Variants in TGM2 observed in about 807,000 individuals in gnomAD.
The protein encoded by TGM2 is transglutaminase 2, also known as protein-glutamine gamma-glutamyltransferase 2.
Under a neutral mutation model 75.6 loss-of-function variants are expected in TGM2, and 53 were observed. That is an observed-to-expected ratio of 0.70 (90% confidence interval 0.56 to 0.88). The LOEUF (loss-of-function observed/expected upper bound fraction) is 0.88. Ranked by LOEUF, TGM2 falls within the 40% of genes least tolerant of loss-of-function variation. The probability of loss-of-function intolerance (pLI) is 0.00; values close to 1 mark genes in which losing one functional copy is unlikely to be tolerated. For synonymous variants in TGM2, 374 were observed against 381.1 expected (o/e 0.98, Z 0.22); for missense variants, 842 against 928.5 (o/e 0.91, Z 1.21).
chr20:38,130,093 G>A lies in TGM2; in HGVS notation c.*126C>T. ...CCAGGGGCACATTCCATTTCCGAGA[G>A]CCCCCATAGGCTGCCCACCCTGCCC... is the stretch of plus-strand genomic sequence containing the variant. On this transcript the variant is annotated 3_prime_UTR_variant, in exon 13 of 13. Transcript: ENST00000361475. 4 of 1,298,956 alleles carry A rather than the reference G, an allele frequency of 3.1e-6. No individual in the cohort carries two copies. Among genetic ancestry groups the A allele is most frequent in the Non-Finnish European group, 3.2e-6 (3 of 939,038 alleles). 80.5% of individuals were successfully genotyped at this position (1,298,956 alleles called of 1,614,324 possible).
rs1199376180 is a variant in TGM2, at chr20:38,149,678, C to CAAAAAAAAAAAAAAAAA, written c.552+1244_552+1260dup. ...TGGGCAACAGAGCGAGACTCCGCCTCAAAAAAAAAAAAAAAAAAAAAAACA... is the reference window on the plus strand; with the variant it reads ...TGGGCAACAGAGCGAGACTCCGCCTCAAAAAAAAAAAAAAAAAAAAAAAAAAAAAAAAAAAAAAAACA... On this transcript the variant is annotated intron_variant, in intron 4 of 12. Coordinates refer to ENST00000361475, the MANE Select transcript of TGM2 (RefSeq NM_004613.4). 1.6e-3 allele frequency among the ~76,000 whole-genome samples: 64 copies of CAAAAAAAAAAAAAAAAA among 40,426 alleles called. 4 individuals are homozygous for CAAAAAAAAAAAAAAAAA. Among genetic ancestry groups the CAAAAAAAAAAAAAAAAA allele is most frequent in the African/African-American group, 5.3e-3 (57 of 10,734 alleles). 26.5% of individuals were successfully genotyped at this position (40,426 alleles called of 152,430 possible).
chr20:38,152,326 T>C lies in TGM2; in HGVS notation c.434-1269A>G, dbSNP rs113095134. Among the ~76,000 whole-genome samples, 143 of 152,268 alleles carry C rather than the reference T, an allele frequency of 9.4e-4. 1 individual carries two copies. The highest frequency in any genetic ancestry group is 3.4e-3 in the Middle Eastern group (1 of 294). On this transcript the variant is annotated intron_variant, in intron 3 of 12. Coordinates refer to ENST00000361475, the MANE Select transcript of TGM2 (RefSeq NM_004613.4). Reference sequence around the variant, plus strand: ...CAGCAACCAGCAGCCCTGACTTTCATCGTAGTGAGGAAAAATGGGAAAGAG... The same window carrying C: ...CAGCAACCAGCAGCCCTGACTTTCACCGTAGTGAGGAAAAATGGGAAAGAG...
intron 6 of TGM2, 85 bp from the exon 7 acceptor site, chr20:38,142,284 GGAACACTGTACCTGCTGTCCAAGTGCTGA>G: frequency 6.3e-7 from 1 of 1,593,888 alleles, no homozygotes; most frequent in Non-Finnish European, 8.6e-7. Flanking sequence ...TGCATTCCAG[GGAACACTGTACCTGCTGTCCAAGTGCTGA>G]GAACATGAGC....
chr20:38,138,168 C>A lies in TGM2; in HGVS notation c.1560G>T (p.Leu520Phe). The change falls in exon 10 of 13, where the codon TTG (leucine) becomes TTT (phenylalanine). Residue 520 changes from leucine (L) to phenylalanine (F), a missense_variant. Transcript: ENST00000361475. ...CARTVSYNGI[L>F]GPECGTKYLL... ...GGTACTTGGTGCCACACTCGGGCCC[C>A]AAGATCCCATTGTAGCTGACGGTGC... is the stretch of plus-strand genomic sequence containing the variant. 1 of 1,605,652 alleles carries A rather than the reference C, an allele frequency of 6.2e-7. No homozygotes were observed. Among genetic ancestry groups the A allele is most frequent in the East Asian group, 2.3e-5 (1 of 44,428 alleles).
rs1031169229 is a variant in TGM2, at chr20:38,130,041, C to T, written c.*178G>A. ...TCACAGCAAAGGGGGTGAGTGGGGA[C>T]CCACAGGCTCAGGAGGCTGAGATGG... On this transcript the variant is annotated 3_prime_UTR_variant, in exon 13 of 13. Coordinates refer to ENST00000361475, the MANE Select transcript of TGM2 (RefSeq NM_004613.4). 6.5e-6 allele frequency: 5 copies of T among 773,028 alleles called. No individual in the cohort carries two copies. Among genetic ancestry groups the T allele is most frequent in the African/African-American group, 1.7e-5 (1 of 57,558 alleles). 47.9% of individuals were successfully genotyped at this position (773,028 alleles called of 1,614,324 possible). A position where few individuals can be genotyped will look rare whatever the true frequency, so the allele number is the denominator to read the frequency against.
intron 8 of TGM2, among the ~76,000 whole-genome samples, chr20:38,140,024 G>T (rs566440305): frequency 6.6e-6 from 1 of 152,360 alleles, no homozygotes; most frequent in South Asian, 2.1e-4. Flanking sequence ...TAAATAAAAT[G>T]GAAATGTATC....
At chr20:38,160,027 T>C (rs967486210) in intron 2 of TGM2, among the ~76,000 whole-genome samples, 8 of 152,074 alleles carry the variant, frequency 5.3e-5, no homozygotes, top group Non-Finnish European at 7.4e-5. Context: ...CAAGAGAACT[T>C]TGGGGGCCAG....
At position 38,146,745 on chromosome 20, in the gene TGM2, G is replaced by A. The variant is rs1158314942; in HGVS notation, c.831C>T (p.Cys277=). ...TGCAGGCCACGGCGGCGAAGACCCA[G>A]CACTGGCCATACTTGACGCGCTGGC... The part of the protein sequence containing the change: ...HGCQRVKYGQ[C]WVFAAVACTV... The change falls in exon 6 of 13, where the codon TGC becomes TGT. Residue 277 remains cysteine, a synonymous_variant. Coordinates refer to ENST00000361475, the MANE Select transcript of TGM2 (RefSeq NM_004613.4). 1 of 1,613,616 alleles carries A rather than the reference G, an allele frequency of 6.2e-7. No individual in the cohort carries two copies.
intron 2 of TGM2, among the ~76,000 whole-genome samples, chr20:38,159,876 T>C (rs1370088502): frequency 6.6e-6 from 1 of 152,212 alleles, no homozygotes; most frequent in African/African-American, 2.4e-5. Context: ...GATGTTGTGA[T>C]TTTCACTATC....
At chr20:38,139,139 A>G (rs2074937251) in intron 9 of TGM2, among the ~76,000 whole-genome samples, 1 of 152,210 alleles carries the variant, frequency 6.6e-6, no homozygotes. Flanking sequence ...CTCAAATCCA[A>G]TTTTTAAAAA....
intron 5 of TGM2, among the ~76,000 whole-genome samples, chr20:38,147,137 G>A (rs545318662): frequency 6.6e-6 from 1 of 152,210 alleles, no homozygotes; most frequent in East Asian, 1.9e-4. Context: ...ACTTGAACGC[G>A]ATACTGGGGA....
intron 6 of TGM2, chr20:38,145,449 AG>A (rs1438563397): frequency 6.6e-6 from 1 of 152,204 alleles, no homozygotes; most frequent in Admixed American, 6.5e-5. Flanking sequence ...TCTGTCACCC[AG>A]GCTGGAGTAC....
In TGM2 at chr20:38,155,837, T is replaced by A; in HGVS notation, c.433+10A>T. On this transcript the variant is annotated intron_variant, in intron 3 of 12. Transcript: ENST00000361475. ...ACCCCAACGCTGTGAGTGGATGGCG[T>A]GTGGCTCACCTGGGCACCAGGCGTT... 1 of 1,594,370 alleles carries A rather than the reference T, an allele frequency of 6.3e-7. No homozygotes were observed. Among genetic ancestry groups the A allele is most frequent in the Non-Finnish European group, 8.5e-7 (1 of 1,171,318 alleles).
In TGM2 at chr20:38,155,934, G is replaced by A. The variant is rs138618726; in HGVS notation, c.346C>T (p.Arg116Cys). 3.6e-4 allele frequency: 578 copies of A among 1,611,388 alleles called. No individual in the cohort carries two copies. The highest frequency in any genetic ancestry group is 4.9e-4 in the Middle Eastern group (3 of 6,072). Residue 116 changes from arginine (R) to cysteine (C), a missense_variant, in exon 3 of 13, where the codon CGC becomes TGC. Physicochemically the swap from Arg to Cys is radical, Grantham distance 180. Coordinates refer to ENST00000361475, the MANE Select transcript of TGM2 (RefSeq NM_004613.4). Reference protein sequence around the residue: ...TPANAPIGLYRLSLEASTGYQ... With the variant: ...TPANAPIGLYCLSLEASTGYQ... ...CCAGTGGAGGCCTCCAGGCTGAGGC[G>A]ATACAGGCCGATGGGGGCGTTGGCC...
intron 4 of TGM2, among the ~76,000 whole-genome samples, chr20:38,149,592 T>C (rs1319906345): frequency 6.9e-6 from 1 of 145,722 alleles, no homozygotes; most frequent in African/African-American, 2.6e-5. Flanking sequence ...AGCAGGAGAA[T>C]GGCGTGAACC....
At position 38,132,367 on chromosome 20, in the gene TGM2, G is replaced by A. The variant is rs987318587; in HGVS notation, c.1749C>T (p.Tyr583=). The A allele has an allele frequency of 6.2e-7, 1 of 1,614,132 alleles. No individual in the cohort carries two copies. The highest frequency in any genetic ancestry group is 1.1e-5 in the South Asian group (1 of 91,088). ...GGATCTTGATTTCTGGATTCTCCAG[G>A]TAGAGGTCCCTCTCAGCCAGCAGGT... ...NSYLLAERDL[Y]LENPEIKIRI... The change falls in exon 11 of 13, where the codon TAC becomes TAT. Residue 583 remains tyrosine (Y), a synonymous_variant. Transcript: ENST00000361475.
At chr20:38,160,318 T>C (rs2075238461) in intron 2 of TGM2, among the ~76,000 whole-genome samples, 1 of 152,228 alleles carries the variant, frequency 6.6e-6, no homozygotes, top group Non-Finnish European at 1.5e-5. Flanking sequence ...CCAGACCCAC[T>C]GATTTGGCAT....
rs574388886 is a variant in TGM2, at chr20:38,148,650, G to C, written c.553-561C>G. 1.8e-4 allele frequency among the ~76,000 whole-genome samples: 27 copies of C among 152,266 alleles called. No homozygotes were observed. The South Asian group carries it at 4.1e-3, about 23-fold the overall frequency. ...CTAGACTTCACCGTGCAAACTTCAA[G>C]GCCCTTCATGATCTGCTCCCATCCC... On this transcript the variant is annotated intron_variant, in intron 4 of 12. Coordinates refer to ENST00000361475, the MANE Select transcript of TGM2 (RefSeq NM_004613.4).
At chr20:38,144,350 G>A (rs965927004) in intron 6 of TGM2, among the ~76,000 whole-genome samples, 7 of 152,202 alleles carry the variant, frequency 4.6e-5, no homozygotes, top group Non-Finnish European at 1.0e-4. Context: ...GAGAGGCCGC[G>A]GGTGTGGGCA....
Sources: gnomAD v4.1 joint callset for allele counts (sites outside exome capture counted in the v4.1 genomes callset) on GRCh38, gnomAD v4.1.1 for gene constraint, MANE v1.5 for transcripts, NCBI Gene and HGNC (gene_info 2026-07-23, HGNC 2026-07-21) for gene names.